The following ELAVL2 variants were observed in gnomAD, a reference collection of about 807,000 sequenced individuals.
The protein encoded by ELAVL2 is ELAV like RNA binding protein 2.
ELAVL2 carries 4 observed loss-of-function variants against 34.6 expected under a neutral mutation model. The ratio of observed to expected loss-of-function variants is 0.12; its 90% CI spans 0.06 to 0.26. ELAVL2 has a LOEUF of 0.26. Ranked by LOEUF, ELAVL2 falls within the 10% of genes least tolerant of loss-of-function variation. The pLI is 1.00. For synonymous variants in ELAVL2, 193 were observed against 154.8 expected, an observed-to-expected ratio of 1.25 and a Z score of -1.83; for missense variants, 432 against 442.8, an observed-to-expected ratio of 0.98 and a Z score of 0.22.
intron 1 of ELAVL2, among the ~76,000 whole-genome samples, chr9:23,805,205 G>A (rs1275080705): frequency 6.6e-6 from 1 of 152,146 alleles, no homozygotes; most frequent in Non-Finnish European, 1.5e-5. Flanking sequence ...GATTTTCCTA[G>A]TTTAAAACAA....
At chr9:23,740,510 A>G (rs2048911931) in intron 2 of ELAVL2, among the ~76,000 whole-genome samples, 1 of 152,222 alleles carries the variant, frequency 6.6e-6, no homozygotes, top group African/African-American at 2.4e-5. Flanking sequence ...AATCCTGTAC[A>G]TCCAAAGTTT....
intron 3 of ELAVL2, among the ~76,000 whole-genome samples, chr9:23,724,078 A>T (rs932461745): frequency 7.2e-5 from 11 of 152,226 alleles, no homozygotes; most frequent in Non-Finnish European, 1.6e-4. Flanking sequence ...GGTATAGACC[A>T]TACTTTGCAT....
chr9:23,810,596 T>C (rs940549305), intron 1 of ELAVL2, among the ~76,000 whole-genome samples: 2 of 152,076 alleles, frequency 1.3e-5, no homozygotes, highest in African/African-American at 4.8e-5. Context: ...TGGATCTGAT[T>C]TCAGCCACCT....
the ELAVL2 span, among the ~76,000 whole-genome samples, chr9:23,847,617 T>G: frequency 1.3e-5 from 2 of 151,932 alleles, no homozygotes; most frequent in South Asian, 2.1e-4. Context: ...AATTTTGGTA[T>G]AAAGGCAATT....
At chr9:23,695,864 G>T (rs1353181674) in intron 5 of ELAVL2, among the ~76,000 whole-genome samples, 1 of 152,100 alleles carries the variant, frequency 6.6e-6, no homozygotes, top group Admixed American at 6.5e-5. Flanking sequence ...AACGTTATGT[G>T]ATGCATGACT....
intron 3 of ELAVL2, among the ~76,000 whole-genome samples, chr9:23,714,092 A>T (rs996114889): frequency 2.6e-5 from 4 of 152,226 alleles, no homozygotes; most frequent in African/African-American, 9.6e-5. Context: ...CATACATAGG[A>T]AACAATTCAG....
At chr9:23,714,821 G>A (rs919537882) in intron 3 of ELAVL2, among the ~76,000 whole-genome samples, 1 of 151,934 alleles carries the variant, frequency 6.6e-6, no homozygotes, top group African/African-American at 2.4e-5. Flanking sequence ...AAAAAATACT[G>A]AAGAGGCTAC....
At chr9:23,828,207 A>G (rs768821357), upstream of ELAVL2, among the ~76,000 whole-genome samples, 2 of 152,316 alleles carry the variant, frequency 1.3e-5, no homozygotes, top group African/African-American at 2.4e-5. Context: ...TAACCTTTAA[A>G]TGAATACAAT....
Position 23,729,732 on chromosome 9 carries a change from G to A in ELAVL2, c.333+1290C>T, listed in dbSNP as rs368075233. The stretch of plus-strand genomic sequence containing the variant: ...CCACTATATACTTTCATTTAGATAA[G>A]ACAGGGCTGGTAGGCATTTTTCTTA... On this transcript the variant is annotated intron_variant, in intron 3 of 6. Coordinates refer to ENST00000397312, the MANE Select transcript of ELAVL2 (RefSeq NM_004432.5). 3.3e-3 allele frequency among the ~76,000 whole-genome samples: 501 copies of A among 152,118 alleles called. 2 individuals carry two copies. Among genetic ancestry groups the A allele is most frequent in the Non-Finnish European group, 6.1e-3 (412 of 67,972 alleles).
chr9:23,731,084 T>C lies in ELAVL2; in HGVS notation c.271A>G (p.Lys91Glu). ...GYGFVNYIDP[K>E]DAEKAINTLN... ...GTGTTGATAGCTTTCTCTGCATCCT[T>C]GGGGTCAATGTAGTTCACAAAGCCA... Residue 91 changes from lysine to glutamate, a missense_variant, in exon 3 of 7, where the codon AAG (lysine) becomes GAG (glutamate). Physicochemically the swap from Lys to Glu is moderately conservative, Grantham distance 56. Transcript: ENST00000397312. 1 of 1,613,252 alleles carries C rather than the reference T, an allele frequency of 6.2e-7. No homozygotes were observed. Among genetic ancestry groups the C allele is most frequent in the Non-Finnish European group, 8.5e-7 (1 of 1,179,458 alleles).
At chr9:23,720,350 T>G (rs2043359028) in intron 3 of ELAVL2, among the ~76,000 whole-genome samples, 1 of 151,484 alleles carries the variant, frequency 6.6e-6, no homozygotes, top group East Asian at 2.0e-4. Context: ...ATTTTTGTAC[T>G]TTTTAGTAGA....
intron 3 of ELAVL2, among the ~76,000 whole-genome samples, chr9:23,715,969 CAG>C (rs1369687699): frequency 1.3e-5 from 2 of 152,062 alleles, no homozygotes; most frequent in Non-Finnish European, 2.9e-5. Flanking sequence ...CATGATCTGA[CAG>C]AGAGAAGTAC....
intron 2 of ELAVL2, among the ~76,000 whole-genome samples, chr9:23,733,172 TAAAAAAAA>T (rs397953305): frequency 9.6e-6 from 1 of 104,596 alleles, no homozygotes; most frequent in African/African-American, 3.6e-5. Context: ...CTAGAAAGCT[TAAAAAAAA>T]AAAAAAAAAA....
intron 2 of ELAVL2, among the ~76,000 whole-genome samples, chr9:23,750,267 A>T (rs892630052): frequency 6.6e-6 from 1 of 152,064 alleles, no homozygotes; most frequent in African/African-American, 2.4e-5. Flanking sequence ...ATATAATGGA[A>T]TGTTATCACG....
chr9:23,694,818 C>G (rs762592551), intron 5 of ELAVL2, among the ~76,000 whole-genome samples: 12 of 152,138 alleles, frequency 7.9e-5, no homozygotes, highest in African/African-American at 1.2e-4. Context: ...GGAAACAGAA[C>G]AGATCACAAT....
At chr9:23,701,058 T>C (rs1292307890) in intron 5 of ELAVL2, among the ~76,000 whole-genome samples, 4 of 152,156 alleles carry the variant, frequency 2.6e-5, no homozygotes, top group African/African-American at 7.2e-5. Context: ...TAGCATTACA[T>C]GCTAGTAGCA....
intron 1 of ELAVL2, among the ~76,000 whole-genome samples, chr9:23,808,784 G>T (rs2062587047): frequency 6.6e-6 from 1 of 152,090 alleles, no homozygotes; most frequent in Non-Finnish European, 1.5e-5. Flanking sequence ...AGAAATGTTA[G>T]CCATAATGAA....
rs2037092695 is a variant in ELAVL2 at position 23,701,237 on chromosome 9, T to C, written c.713+142A>G. 5 of 858,352 alleles carry C rather than the reference T, an allele frequency of 5.8e-6. 1 individual carries two copies. In the Admixed American group the frequency reaches 9.5e-5, roughly 16 times the overall value. 53.2% of individuals were successfully genotyped at this position (858,352 alleles called of 1,614,324 possible). ...CTCAAGTAGATTCTCTCTGTGCCCA[T>C]GGAGATGAAAAATTAATAGTAATAA... On this transcript the variant is annotated intron_variant, in intron 5 of 6. Coordinates refer to ENST00000397312, the MANE Select transcript of ELAVL2 (RefSeq NM_004432.5).
At chr9:23,761,984 T>A (rs2055121952) in intron 2 of ELAVL2, 22 bp downstream of exon 2, 1 of 1,593,790 alleles carries the variant, frequency 6.3e-7, no homozygotes, top group Non-Finnish European at 8.6e-7. Context: ...TAAATATAAA[T>A]CATCTACATA....
Sources: allele counts gnomAD v4.1 joint callset (sites outside exome capture counted in the v4.1 genomes callset), GRCh38; gene constraint gnomAD v4.1.1; transcripts MANE v1.5; gene names NCBI Gene and HGNC (gene_info 2026-07-23, HGNC 2026-07-21).